Variants in DPP10 observed in about 807,000 individuals in gnomAD.
DPP10 encodes the protein inactive dipeptidyl peptidase 10.
Under a neutral mutation model 120.9 loss-of-function variants are expected in DPP10, and 33 were observed. That is an observed-to-expected ratio of 0.27 (90% CI 0.21 to 0.37). The LOEUF (loss-of-function observed/expected upper bound fraction) is 0.37. Ranked by LOEUF, DPP10 falls within the 10% of genes least tolerant of loss-of-function variation. The probability of loss-of-function intolerance (pLI) is 1.00; values close to 1 mark genes in which losing one functional copy is unlikely to be tolerated. For synonymous variants in DPP10, 337 were observed against 326.1 expected (o/e 1.03, Z -0.36); for missense variants, 816 against 942.8 (o/e 0.87, Z 1.76).
intron 11 of DPP10, among the ~76,000 whole-genome samples, chr2:115,755,932 G>C (rs1022583178): frequency 3.8e-5 from 3 of 79,206 alleles, no homozygotes; most frequent in Non-Finnish European, 8.0e-5. Context: ...TTTTTAAAAA[G>C]TGTGTGTGTG....
chr2:114,604,390 C>T (rs1047758845), intron 1 of DPP10, among the ~76,000 whole-genome samples: 2 of 151,998 alleles, frequency 1.3e-5, no homozygotes, highest in African/African-American at 4.8e-5. Flanking sequence ...GGTGGGTTAC[C>T]TCTTACCTGC....
At chr2:114,852,314 C>T (rs998217560) in intron 1 of DPP10, among the ~76,000 whole-genome samples, 4 of 151,922 alleles carry the variant, frequency 2.6e-5, no homozygotes, top group African/African-American at 9.7e-5. Context: ...GGCTCACTTT[C>T]ATTATAGTAC....
At chr2:115,207,360 A>G (rs1235089536) in intron 1 of DPP10, among the ~76,000 whole-genome samples, 1 of 145,842 alleles carries the variant, frequency 6.9e-6, no homozygotes, top group East Asian at 2.1e-4. Flanking sequence ...CTGTATTGTG[A>G]ACCGTTTATA....
intron 1 of DPP10, among the ~76,000 whole-genome samples, chr2:114,809,934 C>T (rs1429482935): frequency 6.6e-6 from 1 of 152,092 alleles, no homozygotes; most frequent in Non-Finnish European, 1.5e-5. Context: ...TCCCCTTAGA[C>T]CCCAAAGGCC....
chr2:115,589,673 A>G (rs764074189), intron 5 of DPP10, among the ~76,000 whole-genome samples: 34 of 152,242 alleles, frequency 2.2e-4, no homozygotes, highest in Non-Finnish European at 4.6e-4. Flanking sequence ...TTGACATTCC[A>G]TGTTTTAAAA....
At chr2:114,844,662 CT>C (rs1282203578) in intron 1 of DPP10, among the ~76,000 whole-genome samples, 1 of 151,722 alleles carries the variant, frequency 6.6e-6, no homozygotes, top group Non-Finnish European at 1.5e-5. Flanking sequence ...TTTCTACTTT[CT>C]ATTTTTTATT....
chr2:115,768,718 T>A (rs1483836249), intron 13 of DPP10, among the ~76,000 whole-genome samples: 2 of 152,144 alleles, frequency 1.3e-5, no homozygotes. Flanking sequence ...AGAGAAGATT[T>A]TTTATTCAAT....
chr2:115,611,003 A>G (rs1381180865), intron 5 of DPP10, among the ~76,000 whole-genome samples: 1 of 152,126 alleles, frequency 6.6e-6, no homozygotes, highest in Non-Finnish European at 1.5e-5. Flanking sequence ...GTTTCTCCCA[A>G]CATATCGATA....
chr2:115,380,846 A>T (rs2066274058), intron 3 of DPP10, among the ~76,000 whole-genome samples: 1 of 152,148 alleles, frequency 6.6e-6, no homozygotes, highest in Non-Finnish European at 1.5e-5. Context: ...TTCTGGGTTG[A>T]AAATTCTTTT....
At chr2:115,805,575 ATT>A (rs34290717) in intron 19 of DPP10, among the ~76,000 whole-genome samples, 6 of 134,224 alleles carry the variant, frequency 4.5e-5, no homozygotes, top group Admixed American at 7.4e-5. Flanking sequence ...CTTGGCTCCC[ATT>A]TTTTTTTTTT....
intron 3 of DPP10, among the ~76,000 whole-genome samples, chr2:115,432,238 C>A (rs2104783379): frequency 6.6e-6 from 1 of 152,262 alleles, no homozygotes; most frequent in Non-Finnish European, 1.5e-5. Flanking sequence ...GAATGCTATT[C>A]ATGACAGACC....
chr2:114,656,943 A>G (rs1004098095), intron 1 of DPP10, among the ~76,000 whole-genome samples: 1 of 152,176 alleles, frequency 6.6e-6, no homozygotes, highest in African/African-American at 2.4e-5. Flanking sequence ...ATAAAAAATA[A>G]GATCAACTTT....
At chr2:115,196,121 T>C (rs1204494244) in intron 1 of DPP10, among the ~76,000 whole-genome samples, 1 of 152,206 alleles carries the variant, frequency 6.6e-6, no homozygotes, top group Non-Finnish European at 1.5e-5. Flanking sequence ...TATTTATCAA[T>C]TGTGGACAAT....
intron 1 of DPP10, among the ~76,000 whole-genome samples, chr2:115,301,590 G>T (rs554956329): frequency 6.6e-6 from 1 of 151,442 alleles, no homozygotes; most frequent in Non-Finnish European, 1.5e-5. Flanking sequence ...CATTCACTTG[G>T]TTGGAAAGCA....
rs1182201461 is a variant in DPP10 at position 115,187,197 on chromosome 2, C to T, written c.61-122042C>T. Reference sequence around the variant, plus strand: ...GACTACAGGCGCCCGCCACCACGCCCGGCTAATTTTTTGTATTTTTAGTAG... The same window carrying T: ...GACTACAGGCGCCCGCCACCACGCCTGGCTAATTTTTTGTATTTTTAGTAG... On this transcript the variant is annotated intron_variant, in intron 1 of 25. Transcript: ENST00000410059. Among the ~76,000 whole-genome samples, 6 of 150,452 alleles carry T rather than the reference C, an allele frequency of 4.0e-5. No homozygotes were observed. The South Asian group carries it at 8.5e-4, about 21-fold the overall frequency.
intron 1 of DPP10, among the ~76,000 whole-genome samples, chr2:114,919,622 A>G (rs1268346417): frequency 6.6e-6 from 1 of 152,208 alleles, no homozygotes; most frequent in East Asian, 1.9e-4. Context: ...CTTTCTTTCT[A>G]AGAAGAAATA....
intron 1 of DPP10, among the ~76,000 whole-genome samples, chr2:115,131,504 C>G (rs1210527968): frequency 6.6e-6 from 1 of 151,902 alleles, no homozygotes; most frequent in East Asian, 1.9e-4. Flanking sequence ...TAAAGCAAAA[C>G]CCTGTCTCAA....
intron 1 of DPP10, among the ~76,000 whole-genome samples, chr2:114,761,124 T>C (rs76209760): frequency 0.032 from 4,813 of 152,282 alleles, 274 homozygotes; most frequent in African/African-American, 0.11. Context: ...ACTAGCCAGT[T>C]TTAAGTTTGT....
Position 115,241,175 on chromosome 2 carries a change from A to G in DPP10, c.61-68064A>G, listed in dbSNP as rs188654973. ...TTCCAGCTACTCAGGAGGCTGAGAC[A>G]GGAGAATTGCTTGAACCCGGGAGGC... is the stretch of plus-strand genomic sequence containing the variant. On this transcript the variant is annotated intron_variant, in intron 1 of 25. Coordinates refer to ENST00000410059, the MANE Select transcript of DPP10 (RefSeq NM_020868.6). Among the ~76,000 whole-genome samples, 730 of 152,298 alleles carry G rather than the reference A, an allele frequency of 4.8e-3. 5 individuals carry two copies. Among genetic ancestry groups the G allele is most frequent in the African/African-American group, 0.016 (667 of 41,576 alleles).
Sources: gnomAD v4.1 joint callset for allele counts (sites outside exome capture counted in the v4.1 genomes callset) on GRCh38, gnomAD v4.1.1 for gene constraint, MANE v1.5 for transcripts, NCBI Gene and HGNC (gene_info 2026-07-23, HGNC 2026-07-21) for gene names.